Variants in FOXP2 observed in about 807,000 individuals in gnomAD.
The protein encoded by FOXP2 is forkhead box P2, also known as forkhead box protein P2.
FOXP2 carries 12 observed loss-of-function variants against 115.8 expected under a neutral mutation model. That is an observed-to-expected ratio of 0.10 (90% CI 0.07 to 0.17). The LOEUF is 0.17. Ranked by LOEUF, FOXP2 falls within the 10% of genes least tolerant of loss-of-function variation. The pLI is 1.00. For synonymous variants in FOXP2, 328 were observed against 297.7 expected, an observed-to-expected ratio of 1.10 and a Z score of -1.05; for missense variants, 629 against 843.5, an observed-to-expected ratio of 0.75 and a Z score of 3.15.
intron 2 of FOXP2, among the ~76,000 whole-genome samples, chr7:114,305,530 A>G (rs186849933): frequency 0.01 from 1,530 of 152,266 alleles, 8 homozygotes; most frequent in Non-Finnish European, 0.017. Flanking sequence ...ACTGTTTAAA[A>G]TATGATTCTC....
At chr7:114,363,707 ATCTTT>A (rs1791807542) in intron 2 of FOXP2, among the ~76,000 whole-genome samples, 1 of 152,140 alleles carries the variant, frequency 6.6e-6, no homozygotes. Flanking sequence ...CTCTTACGTG[ATCTTT>A]TAAAACATGC....
intron 1 of FOXP2, among the ~76,000 whole-genome samples, chr7:114,171,708 A>G (rs1238009410): frequency 1.3e-5 from 2 of 152,194 alleles, no homozygotes; most frequent in Admixed American, 1.3e-4. Context: ...TCCACTTTGA[A>G]GTCTTGTTAC....
chr7:114,375,409 G>A (rs745468258), intron 2 of FOXP2, among the ~76,000 whole-genome samples: 11 of 152,194 alleles, frequency 7.2e-5, no homozygotes, highest in Non-Finnish European at 1.6e-4. Flanking sequence ...GCAGTAGCTA[G>A]AATATAGGCT....
At chr7:114,644,651 G>T in intron 7 of FOXP2, 34 bp from the exon 8 acceptor site, 1 of 1,567,126 alleles carries the variant, frequency 6.4e-7, no homozygotes, top group East Asian at 2.2e-5. Context: ...ATAGCTTTTT[G>T]AGATGAATCT....
chr7:114,299,615 A>G (rs1036685219), intron 2 of FOXP2, among the ~76,000 whole-genome samples: 1 of 151,964 alleles, frequency 6.6e-6, no homozygotes, highest in Non-Finnish European at 1.5e-5. Context: ...ATCAACTGGG[A>G]TGGTAACTTT....
chr7:114,566,906 T>C (rs968032264), intron 3 of FOXP2, among the ~76,000 whole-genome samples: 6 of 151,936 alleles, frequency 3.9e-5, no homozygotes, highest in African/African-American at 1.4e-4. Context: ...TATTTTTGTA[T>C]GAAAATTACA....
intron 1 of FOXP2, among the ~76,000 whole-genome samples, chr7:114,112,079 G>A (rs1229527018): frequency 6.6e-6 from 1 of 151,998 alleles, no homozygotes; most frequent in Non-Finnish European, 1.5e-5. Context: ...GACTTTATGG[G>A]CGTAATGCAA....
intron 2 of FOXP2, among the ~76,000 whole-genome samples, chr7:114,320,884 G>A (rs1314232686): frequency 6.6e-6 from 1 of 152,182 alleles, no homozygotes; most frequent in Admixed American, 6.5e-5. Context: ...GGAAGGGCAA[G>A]CCCTACCTTC....
chr7:114,678,685 T>C (rs994219692), intron 16 of FOXP2, among the ~76,000 whole-genome samples: 2 of 148,674 alleles, frequency 1.3e-5, no homozygotes, highest in African/African-American at 4.9e-5. Context: ...ATAAATAAAA[T>C]GTCCGGAGAC....
chr7:114,153,409 C>G (rs1482697165), intron 1 of FOXP2, among the ~76,000 whole-genome samples: 1 of 152,092 alleles, frequency 6.6e-6, no homozygotes, highest in African/African-American at 2.4e-5. Context: ...TCCTAGTTTT[C>G]CTTTTTGAAC....
chr7:114,119,743 T>C (rs1473438700), intron 1 of FOXP2, among the ~76,000 whole-genome samples: 1 of 152,150 alleles, frequency 6.6e-6, no homozygotes. Flanking sequence ...TCATCAATAG[T>C]ATTTTTGATT....
chr7:114,430,245 T>C (rs569000290), intron 2 of FOXP2, among the ~76,000 whole-genome samples: 16 of 151,892 alleles, frequency 1.1e-4, no homozygotes, highest in African/African-American at 3.6e-4. Flanking sequence ...TTAAATTGTT[T>C]AAGCAAAAGT....
chr7:114,636,690 T>G (rs1805239172), intron 6 of FOXP2, among the ~76,000 whole-genome samples: 1 of 152,066 alleles, frequency 6.6e-6, no homozygotes, highest in Non-Finnish European at 1.5e-5. Flanking sequence ...AATTGCTTTT[T>G]ACTTATTTTA....
In FOXP2 at chr7:114,408,235, G is replaced by A. The variant is rs960682473; in HGVS notation, c.-10-18267G>A. Among the ~76,000 whole-genome samples, 21 of 152,164 alleles carry A rather than the reference G, an allele frequency of 1.4e-4. No individual in the cohort carries two copies. In the South Asian group the frequency reaches 1.9e-3, roughly 14 times the overall value. ...TAACATAGTTTAATTAGCAGATTGG[G>A]CTACCACAGTTTAAAATTAAAACTT... On this transcript the variant is annotated intron_variant, in intron 2 of 17. Coordinates refer to the FOXP2 transcript ENST00000634411.
At chr7:114,399,583 A>G (rs1036295617) in intron 2 of FOXP2, among the ~76,000 whole-genome samples, 3 of 152,134 alleles carry the variant, frequency 2.0e-5, no homozygotes, top group African/African-American at 7.2e-5. Context: ...ATTGAATGTT[A>G]ATTATGTGCT....
intron 2 of FOXP2, among the ~76,000 whole-genome samples, chr7:114,516,179 C>A (rs1798333654): frequency 6.6e-6 from 1 of 152,122 alleles, no homozygotes; most frequent in African/African-American, 2.4e-5. Context: ...TCTACAGTAA[C>A]CAAAACAGCA....
In FOXP2 at chr7:114,507,520, A is replaced by G. The variant is rs1443315751; in HGVS notation, c.169-27097A>G. On this transcript the variant is annotated intron_variant, in intron 2 of 16. Coordinates refer to ENST00000350908, the MANE Select transcript of FOXP2 (RefSeq NM_014491.4). ...GGATAATGAGATGTTAAAAACTGAGAAATAAACAAATTAGGAAATTAATTT... is the reference window on the plus strand; with the variant it reads ...GGATAATGAGATGTTAAAAACTGAGGAATAAACAAATTAGGAAATTAATTT... 2.0e-5 allele frequency among the ~76,000 whole-genome samples: 3 copies of G among 151,952 alleles called. No individual in the cohort carries two copies. In the East Asian group the frequency reaches 5.8e-4, roughly 29 times the overall value.
chr7:114,239,944 GATAT>G (rs1795110032), intron 1 of FOXP2, among the ~76,000 whole-genome samples: 1 of 152,072 alleles, frequency 6.6e-6, no homozygotes, highest in Non-Finnish European at 1.5e-5. Context: ...TTTGGAAAAC[GATAT>G]ATACTTTATG....
At chr7:114,136,459 T>G (rs1192870214) in intron 1 of FOXP2, among the ~76,000 whole-genome samples, 1 of 152,046 alleles carries the variant, frequency 6.6e-6, no homozygotes, top group Non-Finnish European at 1.5e-5. Flanking sequence ...AAACTAGAAT[T>G]TGATTATCTT....
Sources: gnomAD v4.1 joint callset for allele counts (sites outside exome capture counted in the v4.1 genomes callset) on GRCh38, gnomAD v4.1.1 for gene constraint, MANE v1.5 for transcripts, NCBI Gene and HGNC (gene_info 2026-07-23, HGNC 2026-07-21) for gene names.